Variants in ROBO2 observed in about 807,000 individuals in gnomAD.
The protein encoded by ROBO2 is roundabout homolog 2.
A neutral mutation model predicts 160.8 loss-of-function variants in ROBO2; 53 were observed. The ratio of observed to expected loss-of-function variants is 0.33; its 90% confidence interval spans 0.26 to 0.41. The LOEUF (loss-of-function observed/expected upper bound fraction) is 0.41, where lower values mean the gene tolerates loss of function less well. ROBO2 is among the 10% of genes least tolerant of loss of function. The pLI, the probability that ROBO2 is intolerant of heterozygous loss-of-function variation, is 1.00. For synonymous variants in ROBO2, 664 were observed against 611.7 expected, an observed-to-expected ratio of 1.09 and a Z score of -1.26; for missense variants, 1,577 against 1,722.4, an observed-to-expected ratio of 0.92 and a Z score of 1.49.
rs17014389 is a variant in ROBO2 at position 76,575,253 on chromosome 3, G to A, written c.110-522761G>A. ...TTTCTGTACAGTTTTAATATGCAGTGCAACATGGAAGATGATTTAAAAATG... is the reference window on the plus strand; with the variant it reads ...TTTCTGTACAGTTTTAATATGCAGTACAACATGGAAGATGATTTAAAAATG... On this transcript the variant is annotated intron_variant, in intron 2 of 26. Coordinates refer to the ROBO2 transcript ENST00000487694. Among the ~76,000 whole-genome samples, 1,194 of 151,980 alleles carry A rather than the reference G, an allele frequency of 7.9e-3. 17 individuals are homozygous for A. Among genetic ancestry groups the A allele is most frequent in the African/African-American group, 0.026 (1,093 of 41,472 alleles).
At chr3:77,441,662 A>T (rs1271824277) in intron 2 of ROBO2, among the ~76,000 whole-genome samples, 3 of 152,170 alleles carry the variant, frequency 2.0e-5, no homozygotes, top group South Asian at 2.1e-4. Context: ...ACTGAAGAAA[A>T]ATGATCACAC....
At chr3:77,396,620 A>G (rs112258281) in intron 2 of ROBO2, among the ~76,000 whole-genome samples, 7 of 152,248 alleles carry the variant, frequency 4.6e-5, no homozygotes, top group African/African-American at 1.7e-4. Context: ...AATGCTAAAT[A>G]TCTTCTAGAC....
intron 2 of ROBO2, among the ~76,000 whole-genome samples, chr3:77,226,912 A>G (rs2086568324): frequency 6.6e-6 from 1 of 152,222 alleles, no homozygotes; most frequent in South Asian, 2.1e-4. Flanking sequence ...AAGTCAAAAA[A>G]TCATAAGTCG....
intron 2 of ROBO2, among the ~76,000 whole-genome samples, chr3:76,493,366 A>ATATATAT (rs2079956468): frequency 1.4e-5 from 1 of 69,362 alleles, no homozygotes; most frequent in African/African-American, 5.4e-5. Flanking sequence ...TATATATATA[A>ATATATAT]TTGTATATAC....
intron 2 of ROBO2, among the ~76,000 whole-genome samples, chr3:76,799,044 C>G (rs1309897601): frequency 6.6e-6 from 1 of 151,982 alleles, no homozygotes; most frequent in Non-Finnish European, 1.5e-5. Flanking sequence ...GAAACCCCGT[C>G]TCTACTAAAA....
At chr3:76,301,294 A>G (rs1393807373) in intron 2 of ROBO2, among the ~76,000 whole-genome samples, 1 of 152,134 alleles carries the variant, frequency 6.6e-6, no homozygotes, top group Non-Finnish European at 1.5e-5. Flanking sequence ...CGATGAAGAA[A>G]GAAAATATTT....
At chr3:76,395,327 G>C (rs2077375852) in intron 2 of ROBO2, among the ~76,000 whole-genome samples, 1 of 144,224 alleles carries the variant, frequency 6.9e-6, no homozygotes, top group Non-Finnish European at 1.5e-5. Context: ...ATTCAAAGCA[G>C]TGTGTAGAGG....
intron 2 of ROBO2, among the ~76,000 whole-genome samples, chr3:77,299,203 A>T (rs2062431368): frequency 6.6e-6 from 1 of 152,172 alleles, no homozygotes; most frequent in South Asian, 2.1e-4. Flanking sequence ...TTAGATTCTA[A>T]AATATTAGTC....
intron 2 of ROBO2, among the ~76,000 whole-genome samples, chr3:76,544,883 T>C (rs978243689): frequency 3.3e-5 from 5 of 152,044 alleles, no homozygotes; most frequent in African/African-American, 1.2e-4. Context: ...AAGCCTTTAC[T>C]GCTACCCTTT....
At chr3:76,683,737 A>G (rs943215788) in intron 2 of ROBO2, among the ~76,000 whole-genome samples, 2 of 152,118 alleles carry the variant, frequency 1.3e-5, no homozygotes, top group African/African-American at 4.8e-5. Context: ...TGGTTGTGAA[A>G]GCCTTTTCAC....
chr3:76,099,624 T>C (rs1248347655), intron 2 of ROBO2, among the ~76,000 whole-genome samples: 2 of 152,220 alleles, frequency 1.3e-5, no homozygotes, highest in Non-Finnish European at 2.9e-5. Flanking sequence ...TCATAAACTC[T>C]ACATTATAGA....
intron 1 of ROBO2, among the ~76,000 whole-genome samples, chr3:75,927,346 T>A (rs1947329948): frequency 6.6e-6 from 1 of 152,206 alleles, no homozygotes; most frequent in Admixed American, 6.5e-5. Context: ...AGGTCTAGAA[T>A]AATTTCTGTT....
intron 2 of ROBO2, among the ~76,000 whole-genome samples, chr3:76,128,002 T>C (rs1373155215): frequency 2.0e-5 from 3 of 150,390 alleles, no homozygotes; most frequent in African/African-American, 7.3e-5. Context: ...TTCAAGTGAT[T>C]CTCCTGCCTC....
chr3:76,524,023 C>T (rs1466731309), intron 2 of ROBO2, among the ~76,000 whole-genome samples: 4 of 150,948 alleles, frequency 2.6e-5, no homozygotes, highest in African/African-American at 9.7e-5. Flanking sequence ...CTTCACATAT[C>T]AGAGAAAAAT....
chr3:77,180,113 AT>A (rs2080571238), intron 2 of ROBO2, among the ~76,000 whole-genome samples: 1 of 152,002 alleles, frequency 6.6e-6, no homozygotes, highest in Non-Finnish European at 1.5e-5. Flanking sequence ...TTTAGTGTTG[AT>A]GAGATCTAAC....
chr3:76,969,329 T>C (rs937151465), intron 2 of ROBO2, among the ~76,000 whole-genome samples: 1 of 152,196 alleles, frequency 6.6e-6, no homozygotes, highest in African/African-American at 2.4e-5. Context: ...ATGGCTTCTC[T>C]CATTATACTA....
intron 2 of ROBO2, among the ~76,000 whole-genome samples, chr3:76,832,413 A>G (rs572256734): frequency 6.6e-5 from 10 of 152,274 alleles, no homozygotes; most frequent in African/African-American, 2.4e-4. Flanking sequence ...GAAATTAACA[A>G]CTTTGGTTGC....
chr3:77,279,907 TA>T (rs1345366756), intron 2 of ROBO2, among the ~76,000 whole-genome samples: 1 of 152,152 alleles, frequency 6.6e-6, no homozygotes, highest in Non-Finnish European at 1.5e-5. Context: ...ACATTATTCA[TA>T]AAAAGTGGCA....
At chr3:76,329,569 A>G (rs1455243987) in intron 2 of ROBO2, among the ~76,000 whole-genome samples, 1 of 152,100 alleles carries the variant, frequency 6.6e-6, no homozygotes, top group Non-Finnish European at 1.5e-5. Flanking sequence ...CCGCTGGGGA[A>G]TGAGTAGCTG....
Sources: gnomAD v4.1 joint callset for allele counts (sites outside exome capture counted in the v4.1 genomes callset) on GRCh38, gnomAD v4.1.1 for gene constraint, MANE v1.5 for transcripts, NCBI Gene and HGNC (gene_info 2026-07-23, HGNC 2026-07-21) for gene names.